CEBPZOS: variants seen among roughly 807,000 people sequenced by gnomAD.
CEBPZOS encodes protein CEBPZOS.
A neutral mutation model predicts 4.8 loss-of-function variants in CEBPZOS; 10 were observed. The observed-to-expected ratio is 2.07, with a 90% CI of 1.28 to 3.52. The LOEUF (loss-of-function observed/expected upper bound fraction) is 3.52, where lower values mean the gene tolerates loss of function less well. Among genes scored for constraint, CEBPZOS ranks in the 30% most tolerant of loss-of-function variants. The pLI is 0.00. For synonymous variants in CEBPZOS, 25 were observed against 14.2 expected, an observed-to-expected ratio of 1.77 and a Z score of -1.72; for missense variants, 98 against 43.6, an observed-to-expected ratio of 2.25 and a Z score of -3.51.
At chr2:37,196,636 G>C (rs1207177561) in intron 1 of CEBPZOS, 116 bp downstream of exon 1, 1 of 152,368 alleles carries the variant, frequency 6.6e-6, no homozygotes, top group Non-Finnish European at 1.5e-5. Context: ...GCATGTGGAG[G>C]ATAGTCAGGT....
rs1035332455 is a variant in CEBPZOS at position 37,203,959 on chromosome 2, A to G, written c.*2099A>G. ...GTTAATGGACATTTAGGTTTTGTCT[A>G]CTTTTTGGCATTAATAGTGCTGCTG... On this transcript the variant is annotated 3_prime_UTR_variant, in exon 5 of 5. Transcript: ENST00000402297. 1 of 152,142 alleles carries G rather than the reference A, an allele frequency of 6.6e-6. No individual in the cohort carries two copies. The highest frequency in any genetic ancestry group is 2.4e-5 in the African/African-American group (1 of 41,420). 9.4% of individuals were successfully genotyped at this position (152,142 alleles called of 1,614,324 possible). A position where few individuals can be genotyped will look rare whatever the true frequency, so the allele number is the denominator to read the frequency against.
downstream of CEBPZOS, chr2:37,209,608 G>C (rs1677653594): frequency 6.6e-6 from 1 of 152,166 alleles, no homozygotes; most frequent in South Asian, 2.1e-4. Context: ...AATTAAACTG[G>C]ATCCTCATTT....
rs1270149183 is a variant in CEBPZOS at position 37,201,536 on chromosome 2, TTTTGTTATGTAGCA to T, written c.161-105_161-92del. ...TGTAATCCTACTGTCCTCTTTTTCA[TTTTGTTATGTAGCA>T]ATATGGAAAAAAGAAGTTGTTTTTT... On this transcript the variant is annotated intron_variant, in intron 3 of 4. Coordinates refer to ENST00000402297, the MANE Select transcript of CEBPZOS (RefSeq NM_001322374.2). The T allele has an allele frequency of 4.9e-6, 3 of 613,646 alleles. No individual in the cohort carries two copies. The African/African-American group carries it at 5.6e-5, about 11-fold the overall frequency. 38.0% of individuals were successfully genotyped at this position (613,646 alleles called of 1,614,324 possible). A position where few individuals can be genotyped will look rare whatever the true frequency, so the allele number is the denominator to read the frequency against.
At chr2:37,210,829 G>A (rs545378541) in intron 4 of CEBPZOS, 11 of 487,328 alleles carry the variant, frequency 2.3e-5, no homozygotes, top group African/African-American at 1.6e-4. Context: ...CTGAATGCGA[G>A]AAACAATTCA....
Position 37,203,826 on chromosome 2 carries a change from T to C in CEBPZOS, c.*1966T>C, listed in dbSNP as rs746563026. The C allele has an allele frequency of 2.0e-5, 3 of 152,232 alleles. No homozygotes were observed. The highest frequency in any genetic ancestry group is 4.4e-5 in the Non-Finnish European group (3 of 68,036). 9.4% of individuals were successfully genotyped at this position (152,232 alleles called of 1,614,324 possible). On this transcript the variant is annotated 3_prime_UTR_variant, in exon 5 of 5. Coordinates refer to ENST00000402297, the MANE Select transcript of CEBPZOS (RefSeq NM_001322374.2). ...CATGTGGTTTCCTATATCTGACTTT[T>C]TTCATTTAGCATAACGTTTTTGAGG...
intron 2 of CEBPZOS, among the ~76,000 whole-genome samples, chr2:37,200,041 C>G (rs1398628894): frequency 1.3e-5 from 2 of 152,166 alleles, no homozygotes; most frequent in Admixed American, 6.5e-5. Flanking sequence ...GAAAAAATTT[C>G]ATACCTCCAT....
chr2:37,214,313 C>A (rs1161920772), downstream of CEBPZOS, among the ~76,000 whole-genome samples: 2 of 151,994 alleles, frequency 1.3e-5, no homozygotes, highest in Non-Finnish European at 2.9e-5. Context: ...AACCAGTCAA[C>A]CAGATGAGAT....
At chr2:37,205,397 TC>T (rs1677501703), downstream of CEBPZOS, among the ~76,000 whole-genome samples, 1 of 152,170 alleles carries the variant, frequency 6.6e-6, no homozygotes, top group African/African-American at 2.4e-5. Context: ...TCCTGGCTCA[TC>T]CTGGCTCAAA....
chr2:37,209,365 G>C (rs1040454535), downstream of CEBPZOS: 1 of 152,096 alleles, frequency 6.6e-6, no homozygotes, highest in Non-Finnish European at 1.5e-5. Flanking sequence ...AACAAATCTA[G>C]AGGCATCTCA....
chr2:37,213,807 T>TTAATTCCACTAA, downstream of CEBPZOS: 1 of 1,144,904 alleles, frequency 8.7e-7, no homozygotes, highest in Non-Finnish European at 1.3e-6. Context: ...TAATGTTCCA[T>TTAATTCCACTAA]GGTCTATTAA....
chr2:37,204,323 G>A lies in CEBPZOS; in HGVS notation c.*2463G>A, dbSNP rs1677444818. On this transcript the variant is annotated 3_prime_UTR_variant, in exon 5 of 5. Transcript: ENST00000402297. Reference sequence around the variant, plus strand: ...AGACAGAGTCTCGCTTTGTCGCCAGGCTGGAGTACAGGGGCGTGATCTCGG... The same window carrying A: ...AGACAGAGTCTCGCTTTGTCGCCAGACTGGAGTACAGGGGCGTGATCTCGG... 6.8e-6 allele frequency: 1 copy of A among 147,652 alleles called. No homozygotes were observed. The highest frequency in any genetic ancestry group is 1.5e-5 in the Non-Finnish European group (1 of 67,442). 9.1% of individuals were successfully genotyped at this position (147,652 alleles called of 1,614,324 possible). A position where few individuals can be genotyped will look rare whatever the true frequency, so the allele number is the denominator to read the frequency against.
chr2:37,209,330 T>C (rs908975932), downstream of CEBPZOS: 5 of 152,154 alleles, frequency 3.3e-5, no homozygotes, highest in Admixed American at 6.5e-5. Context: ...AGAGCCTGCA[T>C]AGCCAAGCAA....
At chr2:37,199,364 C>T (rs1057488041) in intron 1 of CEBPZOS, among the ~76,000 whole-genome samples, 21 of 152,200 alleles carry the variant, frequency 1.4e-4, no homozygotes, top group African/African-American at 3.9e-4. Context: ...TATTTCTTAA[C>T]TCCCAGTGCA....
chr2:37,213,652 A>C (rs1251887037), exon 5 of CEBPZOS: 1 of 429,422 alleles, frequency 2.3e-6, no homozygotes, highest in African/African-American at 2.1e-5. Flanking sequence ...GACCTCAAAC[A>C]ATCTTCCTGC....
intron 4 of CEBPZOS, 52 bp downstream of exon 4, chr2:37,201,778 T>A: frequency 1.4e-6 from 2 of 1,440,550 alleles, no homozygotes; most frequent in South Asian, 1.2e-5. Context: ...TTCCTTTGTT[T>A]TTTAGTTTTT....
chr2:37,202,021 C>T lies in CEBPZOS; in HGVS notation c.*161C>T. ...CCTGCCTTGGCCTGTGGTTTCCCAC[C>T]CACTATACAAACCCACTGCTTGTTT... On this transcript the variant is annotated 3_prime_UTR_variant, in exon 5 of 5. Transcript: ENST00000402297. 3.7e-6 allele frequency: 3 copies of T among 809,104 alleles called. No individual in the cohort carries two copies. The highest frequency in any genetic ancestry group is 5.8e-6 in the Non-Finnish European group (3 of 517,718). 50.1% of individuals were successfully genotyped at this position (809,104 alleles called of 1,614,324 possible). A position where few individuals can be genotyped will look rare whatever the true frequency, so the allele number is the denominator to read the frequency against.
Position 37,199,792 on chromosome 2 carries a change from T to C in CEBPZOS, c.88T>C (p.Leu30=). The C allele has an allele frequency of 1.4e-6, 1 of 717,740 alleles. No individual in the cohort carries two copies. Among genetic ancestry groups the C allele is most frequent in the Non-Finnish European group, 2.6e-6 (1 of 385,126 alleles). 44.5% of individuals were successfully genotyped at this position (717,740 alleles called of 1,614,324 possible). Residue 30 remains leucine (L), a synonymous_variant, in exon 2 of 5, where the codon TTG becomes CTG. Coordinates refer to ENST00000402297, the MANE Select transcript of CEBPZOS (RefSeq NM_001322374.2). ...ELVGVFGAYF[L]FSKMHTSQDF... is the part of the protein sequence containing the mutation. ...TGTAGGCGTTTTTGGAGCATATTTT[T>C]TGTTTAGCAAGATGCACACAAGCCA...
chr2:37,200,189 G>T (rs975576728), intron 2 of CEBPZOS, among the ~76,000 whole-genome samples: 6 of 152,174 alleles, frequency 3.9e-5, no homozygotes, highest in African/African-American at 1.4e-4. Context: ...GCTGTTTTCT[G>T]AGTAACCAGT....
At position 37,202,812 on chromosome 2, in the gene CEBPZOS, C is replaced by T. The variant is rs1400432198; in HGVS notation, c.*952C>T. ...CATTATCTTTGTTAGCCATGGCATT[C>T]ATGCCAATGTTATCAAACTTGGATC... On this transcript the variant is annotated 3_prime_UTR_variant, in exon 5 of 5. Coordinates refer to ENST00000402297, the MANE Select transcript of CEBPZOS (RefSeq NM_001322374.2). 13 of 1,592,612 alleles carry T rather than the reference C, an allele frequency of 8.2e-6. No homozygotes were observed. Among genetic ancestry groups the T allele is most frequent in the African/African-American group, 1.4e-5 (1 of 73,970 alleles).
Sources: allele counts gnomAD v4.1 joint callset (sites outside exome capture counted in the v4.1 genomes callset), GRCh38; gene constraint gnomAD v4.1.1; transcripts MANE v1.5; gene names NCBI Gene and HGNC (gene_info 2026-07-23, HGNC 2026-07-21).